TMEM17: variants seen among roughly 807,000 people sequenced by gnomAD.
TMEM17 encodes transmembrane protein 17.
TMEM17 carries 15 observed loss-of-function variants against 19.1 expected under a neutral mutation model. The observed-to-expected ratio is 0.78, with a 90% CI of 0.52 to 1.21. The LOEUF is 1.21. Among genes scored for constraint, TMEM17 ranks in the 50% most tolerant of loss-of-function variants. The pLI is 0.00. For synonymous variants in TMEM17, 103 were observed against 86.9 expected, an observed-to-expected ratio of 1.19 and a Z score of -1.03; for missense variants, 245 against 242.3, an observed-to-expected ratio of 1.01 and a Z score of -0.07.
chr2:62,465,820 G>A, the TMEM17 span, among the ~76,000 whole-genome samples: 2 of 152,184 alleles, frequency 1.3e-5, no homozygotes, highest in African/African-American at 2.4e-5. Flanking sequence ...ACTAGCAACA[G>A]CAGATACTTA....
chr2:62,459,107 G>A, the TMEM17 span, among the ~76,000 whole-genome samples: 1 of 152,206 alleles, frequency 6.6e-6, no homozygotes, highest in African/African-American at 2.4e-5. Flanking sequence ...AAAATTGTAA[G>A]ATAGTTGGAT....
downstream of TMEM17, among the ~76,000 whole-genome samples, chr2:62,497,599 C>G (rs1447764470): frequency 6.6e-6 from 1 of 152,202 alleles, no homozygotes; most frequent in Non-Finnish European, 1.5e-5. Context: ...ATTTAGATGT[C>G]TCTTCTCTGT....
the TMEM17 span, among the ~76,000 whole-genome samples, chr2:62,472,718 G>T: frequency 6.6e-6 from 1 of 152,182 alleles, no homozygotes; most frequent in Non-Finnish European, 1.5e-5. Context: ...TTGCTTTTGG[G>T]TTCTCCCAGG....
downstream of TMEM17, among the ~76,000 whole-genome samples, chr2:62,498,314 GAGGC>G (rs1679823004): frequency 2.0e-5 from 3 of 152,080 alleles, no homozygotes; most frequent in South Asian, 6.2e-4. Flanking sequence ...TTGAACCCAG[GAGGC>G]AGAGGCTGCA....
the TMEM17 span, among the ~76,000 whole-genome samples, chr2:62,483,599 ATTTTT>A: frequency 2.2e-5 from 3 of 134,242 alleles, no homozygotes; most frequent in Admixed American, 7.5e-5. Flanking sequence ...CCCAGGATAC[ATTTTT>A]TTTTTTTTTT....
chr2:62,496,226 GA>G (rs1455890880), downstream of TMEM17, among the ~76,000 whole-genome samples: 2 of 152,124 alleles, frequency 1.3e-5, no homozygotes, highest in African/African-American at 4.8e-5. Flanking sequence ...GTGAATAGTA[GA>G]AAGTGGATGT....
chr2:62,453,534 T>C, the TMEM17 span, among the ~76,000 whole-genome samples: 1 of 152,262 alleles, frequency 6.6e-6, no homozygotes, highest in Non-Finnish European at 1.5e-5. Flanking sequence ...TACAAGATCC[T>C]GTCTTCTGTT....
the TMEM17 span, among the ~76,000 whole-genome samples, chr2:62,477,808 A>T: frequency 6.6e-6 from 1 of 152,234 alleles, no homozygotes; most frequent in African/African-American, 2.4e-5. Context: ...CCTTAGGCCA[A>T]GCTGTGGCAG....
chr2:62,506,152 C>T lies in TMEM17; in HGVS notation c.-23G>A. The T allele has an allele frequency of 1.3e-6, 2 of 1,585,110 alleles. No individual in the cohort carries two copies. Among genetic ancestry groups the T allele is most frequent in the Non-Finnish European group, 1.7e-6 (2 of 1,165,764 alleles). ...CATGCCTGGGCCTCAGTATCCCTCA[C>T]CCCCTCAGACACGGGCTAGTCTGCG... On this transcript the variant is annotated 5_prime_UTR_variant, in exon 1 of 4. In the 5' UTR this introduces an upstream ATG that the reference lacks. Transcript: ENST00000335390.
the TMEM17 span, among the ~76,000 whole-genome samples, chr2:62,481,243 T>C: frequency 1.3e-5 from 2 of 152,182 alleles, no homozygotes; most frequent in African/African-American, 2.4e-5. Context: ...CTTTTTCAGC[T>C]TGTTCATTGC....
the TMEM17 span, among the ~76,000 whole-genome samples, chr2:62,482,314 T>C: frequency 6.6e-6 from 1 of 152,246 alleles, no homozygotes; most frequent in African/African-American, 2.4e-5. Context: ...AAATATTAGC[T>C]ACCATCATTT....
the TMEM17 span, among the ~76,000 whole-genome samples, chr2:62,473,157 T>C: frequency 6.6e-6 from 1 of 152,248 alleles, no homozygotes; most frequent in African/African-American, 2.4e-5. Flanking sequence ...ACATTTATTA[T>C]GCATCAGGCA....
the TMEM17 span, among the ~76,000 whole-genome samples, chr2:62,484,721 T>A: frequency 6.6e-6 from 1 of 152,162 alleles, no homozygotes; most frequent in Non-Finnish European, 1.5e-5. Context: ...CAGCTTCTAT[T>A]TGAGGGTTTT....
chr2:62,505,025 A>AT (rs1037977597), intron 1 of TMEM17, among the ~76,000 whole-genome samples: 23 of 152,112 alleles, frequency 1.5e-4, no homozygotes, highest in Non-Finnish European at 2.2e-4. Context: ...GTGAAAACCT[A>AT]TTTTTTTCAC....
chr2:62,458,828 C>T, the TMEM17 span, among the ~76,000 whole-genome samples: 1 of 152,152 alleles, frequency 6.6e-6, no homozygotes, highest in Non-Finnish European at 1.5e-5. Flanking sequence ...CCAAAGCTGT[C>T]TTGGATGTGT....
At chr2:62,483,071 G>A in the TMEM17 span, among the ~76,000 whole-genome samples, 1 of 152,142 alleles carries the variant, frequency 6.6e-6, no homozygotes, top group African/African-American at 2.4e-5. Flanking sequence ...TGTCTAATAC[G>A]AAGGTTAAGT....
At chr2:62,488,846 ACAGCTT>A in the TMEM17 span, among the ~76,000 whole-genome samples, 1 of 144,048 alleles carries the variant, frequency 6.9e-6, no homozygotes, top group South Asian at 2.2e-4. Flanking sequence ...CAACCTTAGC[ACAGCTT>A]CTCTGCTTAG....
chr2:62,468,063 C>A, the TMEM17 span, among the ~76,000 whole-genome samples: 1 of 152,052 alleles, frequency 6.6e-6, no homozygotes, highest in Non-Finnish European at 1.5e-5. Context: ...ATAACAGTAG[C>A]CCCAGAGTTT....
At chr2:62,478,648 C>A in the TMEM17 span, among the ~76,000 whole-genome samples, 1 of 152,116 alleles carries the variant, frequency 6.6e-6, no homozygotes, top group Non-Finnish European at 1.5e-5. Flanking sequence ...TAAGTCTGAG[C>A]CAATGCTGGA....
Sources: gnomAD v4.1 joint callset for allele counts (sites outside exome capture counted in the v4.1 genomes callset) on GRCh38, gnomAD v4.1.1 for gene constraint, MANE v1.5 for transcripts, NCBI Gene and HGNC (gene_info 2026-07-23, HGNC 2026-07-21) for gene names.